UBXN2A: variants seen among roughly 807,000 people sequenced by gnomAD.
UBXN2A encodes the protein UBX domain protein 2A, also known as UBX domain-containing protein 2A.
In UBXN2A, 28 loss-of-function variants were observed where a neutral mutation model predicts 28.4. That is an observed-to-expected ratio of 0.99 (90% CI 0.73 to 1.35). UBXN2A has a LOEUF of 1.35. Among genes scored for constraint, UBXN2A ranks in the 40% most tolerant of loss-of-function variants. The pLI is 0.00. For missense variants in UBXN2A, 253 were observed against 297.9 expected, an observed-to-expected ratio of 0.85 and a Z score of 1.11; for synonymous variants, 97 against 103.6, an observed-to-expected ratio of 0.94 and a Z score of 0.39.
chr2:23,956,441 C>T (rs535081593), intron 1 of UBXN2A, among the ~76,000 whole-genome samples: 5 of 152,270 alleles, frequency 3.3e-5, no homozygotes, highest in African/African-American at 1.2e-4. Context: ...CAAGCTCCGC[C>T]TCCAGGGTTG....
chr2:23,998,834 T>C (rs568072609), intron 6 of UBXN2A, among the ~76,000 whole-genome samples: 214 of 152,244 alleles, frequency 1.4e-3, no homozygotes, highest in Non-Finnish European at 2.9e-3. Context: ...CGATCAACCT[T>C]CGTCTCCCTC....
rs528239762 is a variant in UBXN2A at position 23,941,335 on chromosome 2, G to T, written c.-15+687G>T. On this transcript the variant is annotated intron_variant, in intron 1 of 6. Coordinates refer to ENST00000309033, the MANE Select transcript of UBXN2A (RefSeq NM_181713.4). ...GGCCGGTTGCAGTTTGTTTTTAGGGGGGAAACTTTAAAAGTTCATGTTGTG... is the reference window on the plus strand; with the variant it reads ...GGCCGGTTGCAGTTTGTTTTTAGGGTGGAAACTTTAAAAGTTCATGTTGTG... 2.0e-5 allele frequency among the ~76,000 whole-genome samples: 3 copies of T among 152,310 alleles called. No individual in the cohort carries two copies. The South Asian group carries it at 6.2e-4, about 32-fold the overall frequency.
intron 1 of UBXN2A, among the ~76,000 whole-genome samples, 171 bp downstream of exon 1, chr2:23,940,819 C>G (rs1705715831): frequency 6.6e-6 from 1 of 151,876 alleles, no homozygotes; most frequent in African/African-American, 2.4e-5. Context: ...GAAGGGGCGC[C>G]GGCGGCGGAG....
At chr2:23,970,257 C>G (rs2150865261) in intron 2 of UBXN2A, among the ~76,000 whole-genome samples, 1 of 152,290 alleles carries the variant, frequency 6.6e-6, no homozygotes, top group Non-Finnish European at 1.5e-5. Flanking sequence ...CCACTCCAGC[C>G]TGCACGACAG....
chr2:23,971,263 T>G lies in UBXN2A; in HGVS notation c.42-13T>G. Reference sequence around the variant, plus strand: ...AATAGTTAATAGTGCCTGTTTTTCTTTATCTTGTTTAGGGTTTGTGAAACA... The same window carrying G: ...AATAGTTAATAGTGCCTGTTTTTCTGTATCTTGTTTAGGGTTTGTGAAACA... On this transcript the variant is annotated splice_polypyrimidine_tract_variant and intron_variant, in intron 2 of 6. Coordinates refer to ENST00000309033, the MANE Select transcript of UBXN2A (RefSeq NM_181713.4). 1 of 1,530,628 alleles carries G rather than the reference T, an allele frequency of 6.5e-7. No homozygotes were observed. The highest frequency in any genetic ancestry group is 8.9e-7 in the Non-Finnish European group (1 of 1,129,756). 94.8% of individuals were successfully genotyped at this position (1,530,628 alleles called of 1,614,324 possible).
chr2:23,952,602 G>A (rs1384242109), intron 1 of UBXN2A, among the ~76,000 whole-genome samples: 2 of 151,928 alleles, frequency 1.3e-5, no homozygotes, highest in Non-Finnish European at 1.5e-5. Flanking sequence ...GTGCTACCAC[G>A]CCTGGCTAAT....
At chr2:23,985,068 C>CT (rs565746054) in intron 6 of UBXN2A, among the ~76,000 whole-genome samples, 11,869 of 148,036 alleles carry the variant, frequency 0.08, 582 homozygotes, top group South Asian at 0.12. Flanking sequence ...GCCCAGCTAA[C>CT]TTTTTTTTTT....
chr2:23,942,928 A>G (rs1705840567), intron 1 of UBXN2A, among the ~76,000 whole-genome samples: 1 of 152,152 alleles, frequency 6.6e-6, no homozygotes, highest in Admixed American at 6.5e-5. Flanking sequence ...CGTCAGAAAA[A>G]AAAAAAGTTT....
chr2:23,966,282 G>A (rs1315396116), intron 2 of UBXN2A, among the ~76,000 whole-genome samples: 1 of 151,910 alleles, frequency 6.6e-6, no homozygotes, highest in Non-Finnish European at 1.5e-5. Flanking sequence ...GGGACTACAG[G>A]CACATGCCAC....
chr2:23,934,139 G>A (rs1705456265), intron 1 of UBXN2A, among the ~76,000 whole-genome samples: 1 of 151,500 alleles, frequency 6.6e-6, no homozygotes, highest in Admixed American at 6.6e-5. Context: ...TCGCTTGAAT[G>A]CGGGAGGCGG....
At chr2:23,963,255 A>G (rs1181877386) in intron 2 of UBXN2A, among the ~76,000 whole-genome samples, 4 of 151,974 alleles carry the variant, frequency 2.6e-5, no homozygotes, top group Non-Finnish European at 4.4e-5. Flanking sequence ...AGTGGCTCAC[A>G]CCCATAATCC....
intron 1 of UBXN2A, among the ~76,000 whole-genome samples, chr2:23,955,124 G>A (rs1706557274): frequency 6.6e-6 from 1 of 151,934 alleles, no homozygotes; most frequent in Non-Finnish European, 1.5e-5. Context: ...GTAGAGACGG[G>A]GTTTCACCTT....
intron 6 of UBXN2A, chr2:23,997,179 C>A (rs1708574759): frequency 6.6e-6 from 1 of 152,220 alleles, no homozygotes; most frequent in Non-Finnish European, 1.5e-5. Context: ...GCTTTGGCCT[C>A]CCAAAGTCCT....
At chr2:23,963,122 G>C (rs1430971167) in intron 2 of UBXN2A, among the ~76,000 whole-genome samples, 1 of 152,194 alleles carries the variant, frequency 6.6e-6, no homozygotes, top group Non-Finnish European at 1.5e-5. Context: ...TTGCTCCCAT[G>C]ATTCAATTAC....
intron 2 of UBXN2A, among the ~76,000 whole-genome samples, chr2:23,960,610 A>G (rs1706858447): frequency 6.6e-6 from 1 of 152,102 alleles, no homozygotes; most frequent in Non-Finnish European, 1.5e-5. Context: ...CCATTGTCCT[A>G]TGCCTTGCCC....
At chr2:23,972,876 A>G (rs1283392088) in intron 3 of UBXN2A, among the ~76,000 whole-genome samples, 6 of 152,280 alleles carry the variant, frequency 3.9e-5, no homozygotes, top group African/African-American at 9.6e-5. Flanking sequence ...TTGAATACAC[A>G]TGGTAATATT....
chr2:23,942,932 A>AG (rs1439175227), intron 1 of UBXN2A, among the ~76,000 whole-genome samples: 16 of 152,340 alleles, frequency 1.1e-4, no homozygotes, highest in African/African-American at 3.8e-4. Flanking sequence ...AGAAAAAAAA[A>AG]AAGTTTAAAG....
At chr2:23,937,109 C>T (rs1241556743), upstream of UBXN2A, among the ~76,000 whole-genome samples, 1 of 152,202 alleles carries the variant, frequency 6.6e-6, no homozygotes, top group African/African-American at 2.4e-5. Context: ...ATTCTCCTGC[C>T]TCAGCCTCCG....
intron 1 of UBXN2A, among the ~76,000 whole-genome samples, chr2:23,949,680 G>A (rs1041238910): frequency 4.0e-5 from 6 of 151,790 alleles, no homozygotes; most frequent in Non-Finnish European, 8.8e-5. Flanking sequence ...TTTGAGACCA[G>A]CCTGGCCAAT....
Sources: gnomAD v4.1 joint callset for allele counts (sites outside exome capture counted in the v4.1 genomes callset) on GRCh38, gnomAD v4.1.1 for gene constraint, MANE v1.5 for transcripts, NCBI Gene and HGNC (gene_info 2026-07-23, HGNC 2026-07-21) for gene names.